The following TNIK variants were observed in gnomAD, a reference collection of about 807,000 sequenced individuals.
TNIK encodes TRAF2 and NCK-interacting protein kinase.
A neutral mutation model predicts 191.3 loss-of-function variants in TNIK; 49 were observed. The observed-to-expected ratio is 0.26, with a 90% CI of 0.20 to 0.32. TNIK has a LOEUF of 0.32. Ranked by LOEUF, TNIK falls within the 10% of genes least tolerant of loss-of-function variation. The pLI is 1.00. For missense variants in TNIK, 1,155 were observed against 1,702.3 expected (o/e 0.68, Z 5.66); for synonymous variants, 594 against 600.9 (o/e 0.99, Z 0.17).
Position 171,063,627 on chromosome 3 carries a change from A to G in TNIK, c.*254T>C, listed in dbSNP as rs1413561531. ...CCTAATTCCGAAGGGCACATGGTCC[A>G]TCTTTGTCCACAGACAAGGCAGCAT... On this transcript the variant is annotated 3_prime_UTR_variant, in exon 33 of 33. Coordinates refer to ENST00000436636, the MANE Select transcript of TNIK (RefSeq NM_015028.4). 9.7e-6 allele frequency: 4 copies of G among 411,080 alleles called. No homozygotes were observed. The highest frequency in any genetic ancestry group is 1.7e-5 in the Non-Finnish European group (4 of 230,268). The allele number at this position is 411,080 out of a possible 1,614,324, so 25.5% of individuals were successfully genotyped here.
intron 2 of TNIK, among the ~76,000 whole-genome samples, chr3:171,338,992 C>T (rs1286842939): frequency 3.3e-5 from 5 of 152,216 alleles, no homozygotes; most frequent in African/African-American, 2.4e-5. Flanking sequence ...TATTTTCTGT[C>T]TCCCATGCCT....
rs544984201 is a variant in TNIK, at chr3:171,149,120, G to T, written c.1221+8340C>A. ...ATAAGATTTCATGTGAAACTATTTTGTTGTCATAGTTCTATGGTTAGGAAT... is the reference window on the plus strand; with the variant it reads ...ATAAGATTTCATGTGAAACTATTTTTTTGTCATAGTTCTATGGTTAGGAAT... On this transcript the variant is annotated intron_variant, in intron 12 of 32. Coordinates refer to ENST00000436636, the MANE Select transcript of TNIK (RefSeq NM_015028.4). Among the ~76,000 whole-genome samples, 3 of 152,260 alleles carry T rather than the reference G, an allele frequency of 2.0e-5. No individual in the cohort carries two copies. In the East Asian group the frequency reaches 5.8e-4, roughly 29 times the overall value.
intron 2 of TNIK, among the ~76,000 whole-genome samples, chr3:171,253,262 C>T (rs1577258064): frequency 7.2e-6 from 1 of 138,712 alleles, no homozygotes; most frequent in Admixed American, 7.3e-5. Context: ...CCAGCCTGGG[C>T]AACAAAGCAA....
chr3:171,101,157 T>C (rs1246120631), intron 22 of TNIK, among the ~76,000 whole-genome samples: 1 of 152,146 alleles, frequency 6.6e-6, no homozygotes, highest in Non-Finnish European at 1.5e-5. Flanking sequence ...TTGTCGATAT[T>C]GTTTGCCCTT....
chr3:171,453,613 G>A (rs1051049960), intron 1 of TNIK, among the ~76,000 whole-genome samples: 1 of 152,130 alleles, frequency 6.6e-6, no homozygotes, highest in East Asian at 1.9e-4. Flanking sequence ...GAAACTGTGC[G>A]TTTGGAAGAC....
intron 1 of TNIK, among the ~76,000 whole-genome samples, chr3:171,415,917 G>T (rs1380821162): frequency 1.7e-5 from 2 of 120,602 alleles, no homozygotes; most frequent in Non-Finnish European, 3.2e-5. Context: ...GGAGGCAGAG[G>T]TTTAGCTGAG....
chr3:171,450,120 TG>T (rs1350051904), intron 1 of TNIK, among the ~76,000 whole-genome samples: 4 of 151,908 alleles, frequency 2.6e-5, no homozygotes. Context: ...TTTTGGGCCC[TG>T]GAGCCCCAGG....
chr3:171,254,217 TA>T (rs1746582090), intron 2 of TNIK, among the ~76,000 whole-genome samples: 1 of 152,214 alleles, frequency 6.6e-6, no homozygotes, highest in Admixed American at 6.5e-5. Flanking sequence ...TGTCTATTAC[TA>T]AAGACATTTT....
At chr3:171,165,174 G>A (rs1357984073) in intron 10 of TNIK, among the ~76,000 whole-genome samples, 2 of 152,096 alleles carry the variant, frequency 1.3e-5, no homozygotes, top group South Asian at 2.1e-4. Context: ...GTGTGCACCT[G>A]TAGTCCCAGC....
At chr3:171,161,460 G>C (rs915033569) in intron 10 of TNIK, 124 bp from the exon 11 acceptor site, 4 of 712,824 alleles carry the variant, frequency 5.6e-6, no homozygotes, top group Admixed American at 3.4e-5. Flanking sequence ...GCGCTGGAAC[G>C]GTCTCCAGGC....
intron 1 of TNIK, among the ~76,000 whole-genome samples, chr3:171,425,489 T>C (rs566153952): frequency 6.6e-6 from 1 of 152,292 alleles, no homozygotes; most frequent in Non-Finnish European, 1.5e-5. Context: ...CCTCCACATT[T>C]TAAAAATATT....
chr3:171,420,323 T>C (rs1255062119), intron 1 of TNIK, among the ~76,000 whole-genome samples: 1 of 152,162 alleles, frequency 6.6e-6, no homozygotes, highest in Non-Finnish European at 1.5e-5. Context: ...ATTCCAACTC[T>C]CCATGTGAAT....
chr3:171,157,177 G>A (rs1733293793), intron 12 of TNIK, among the ~76,000 whole-genome samples: 1 of 152,160 alleles, frequency 6.6e-6, no homozygotes, highest in Non-Finnish European at 1.5e-5. Flanking sequence ...GAGGGACTGT[G>A]ACTTTAAGTA....
intron 2 of TNIK, among the ~76,000 whole-genome samples, chr3:171,266,308 ACTG>A (rs1396008909): frequency 6.6e-6 from 1 of 152,212 alleles, no homozygotes; most frequent in African/African-American, 2.4e-5. Context: ...CCAGGAGGTA[ACTG>A]CTAAGGAGAT....
At chr3:171,426,724 T>A (rs1418655192) in intron 1 of TNIK, among the ~76,000 whole-genome samples, 1 of 152,068 alleles carries the variant, frequency 6.6e-6, no homozygotes, top group Non-Finnish European at 1.5e-5. Context: ...CTTTAGCCCC[T>A]TCTCACCACA....
intron 2 of TNIK, among the ~76,000 whole-genome samples, chr3:171,358,454 G>C (rs565086582): frequency 3.9e-5 from 6 of 152,106 alleles, no homozygotes; most frequent in Non-Finnish European, 1.5e-5. Flanking sequence ...TTCACTACAC[G>C]AGAACAGTAT....
chr3:171,261,745 C>T (rs1258103615), intron 2 of TNIK, among the ~76,000 whole-genome samples: 5 of 152,012 alleles, frequency 3.3e-5, no homozygotes, highest in Admixed American at 1.3e-4. Flanking sequence ...CAGCAATGGG[C>T]GAGGCACCCT....
chr3:171,167,925 A>G lies in TNIK; in HGVS notation c.774-655T>C, dbSNP rs1007994054. Among the ~76,000 whole-genome samples the G allele has an allele frequency of 6.6e-5, 10 of 152,354 alleles. 1 individual carries two copies. Among genetic ancestry groups the G allele is most frequent in the African/African-American group, 1.7e-4 (7 of 41,586 alleles). On this transcript the variant is annotated intron_variant, in intron 9 of 32. Coordinates refer to ENST00000436636, the MANE Select transcript of TNIK (RefSeq NM_015028.4). ...GCTGCTTTCCAAGGAATAAGAACAT[A>G]TAAGTATATGTGTACCTTTGTCGTT...
chr3:171,271,448 G>C (rs553461405), intron 2 of TNIK, among the ~76,000 whole-genome samples: 13 of 152,078 alleles, frequency 8.5e-5, no homozygotes, highest in Non-Finnish European at 1.6e-4. Context: ...AACTCACCTT[G>C]TGTGTCCTGT....
Sources: allele counts gnomAD v4.1 joint callset (sites outside exome capture counted in the v4.1 genomes callset), GRCh38; gene constraint gnomAD v4.1.1; transcripts MANE v1.5; gene names NCBI Gene and HGNC (gene_info 2026-07-23, HGNC 2026-07-21).